The following ABCA12 variants were observed in gnomAD, a reference collection of about 807,000 sequenced individuals.
ABCA12 encodes ATP binding cassette subfamily A member 12.
ABCA12 carries 156 observed loss-of-function variants against 293.5 expected under a neutral mutation model. The observed-to-expected ratio is 0.53, with a 90% confidence interval of 0.47 to 0.61. The LOEUF is 0.61. ABCA12 is among the 20% of genes least tolerant of loss of function. The probability of loss-of-function intolerance (pLI) is 0.00; values close to 1 mark genes in which losing one functional copy is unlikely to be tolerated. For missense variants in ABCA12, 2,797 were observed against 3,090.2 expected (o/e 0.91, Z 2.25); for synonymous variants, 1,063 against 1,108.0 (o/e 0.96, Z 0.81).
At chr2:215,116,006 T>G (rs1702678890) in intron 1 of ABCA12, among the ~76,000 whole-genome samples, 1 of 152,122 alleles carries the variant, frequency 6.6e-6, no homozygotes, top group South Asian at 2.1e-4. Context: ...ATATCCCCCA[T>G]TAGGGGAGTC....
intron 1 of ABCA12, among the ~76,000 whole-genome samples, chr2:215,125,780 CTTTA>C (rs1484219561): frequency 6.6e-6 from 1 of 152,028 alleles, no homozygotes; most frequent in Non-Finnish European, 1.5e-5. Flanking sequence ...TTTGGATGCC[CTTTA>C]TTTATTTATC....
intron 1 of ABCA12, among the ~76,000 whole-genome samples, chr2:215,134,634 GAGAGAGACAAAC>G (rs1703169385): frequency 8.0e-6 from 1 of 124,996 alleles, no homozygotes; most frequent in African/African-American, 3.8e-5. Flanking sequence ...GAGAGAGAGA[GAGAGAGACAAAC>G]AGAGAGAGAG....
intron 33 of ABCA12, 95 bp from the exon 34 acceptor site, chr2:214,976,132 T>G: frequency 6.6e-7 from 1 of 1,504,858 alleles, no homozygotes; most frequent in Non-Finnish European, 9.1e-7. Context: ...TAATACACTG[T>G]GGTGGGAAAA....
intron 2 of ABCA12, among the ~76,000 whole-genome samples, chr2:215,068,305 G>T (rs1381106796): frequency 6.6e-6 from 1 of 152,156 alleles, no homozygotes; most frequent in Admixed American, 6.6e-5. Context: ...AGACTGCAAA[G>T]CTTTTCATGA....
intron 1 of ABCA12, among the ~76,000 whole-genome samples, chr2:215,134,406 A>G (rs553706485): frequency 4.1e-5 from 6 of 144,798 alleles, no homozygotes; most frequent in East Asian, 2.0e-4. Context: ...ATGTGTATAT[A>G]TGTATATATG....
intron 33 of ABCA12, among the ~76,000 whole-genome samples, chr2:214,976,557 T>C (rs1234469027): frequency 1.3e-5 from 2 of 152,230 alleles, no homozygotes; most frequent in Non-Finnish European, 1.5e-5. Flanking sequence ...TGAGGTCCAA[T>C]TAATTCACAC....
chr2:215,097,591 A>G (rs1337842379), intron 2 of ABCA12, among the ~76,000 whole-genome samples: 1 of 152,188 alleles, frequency 6.6e-6, no homozygotes, highest in Non-Finnish European at 1.5e-5. Context: ...TCACGGCTGT[A>G]ATACATTGAG....
rs1442050272 is a variant in ABCA12, at chr2:215,026,845, A to G, written c.1155T>C (p.Thr385=). 5.0e-6 allele frequency: 8 copies of G among 1,612,322 alleles called. No homozygotes were observed. Among genetic ancestry groups the G allele is most frequent in the Admixed American group, 1.7e-5 (1 of 60,018 alleles). The change falls in exon 10 of 53, where the codon ACT becomes ACC. Residue 385 remains threonine (T), a synonymous_variant. Transcript: ENST00000272895. ...IPYLACVRNV[T]DSLARGSPEN... is the part of the protein sequence containing the mutation. Reference sequence around the variant, plus strand: ...CTGGTGAACCTCTGGCCAAACTGTCAGTCACATTTCTCACACATGCCAAGT... The same window carrying G: ...CTGGTGAACCTCTGGCCAAACTGTCGGTCACATTTCTCACACATGCCAAGT...
intron 4 of ABCA12, among the ~76,000 whole-genome samples, chr2:215,053,154 C>T (rs960902263): frequency 2.6e-5 from 4 of 151,966 alleles, no homozygotes; most frequent in African/African-American, 9.7e-5. Context: ...TAAGTAATTC[C>T]CAATGCATCT....
At chr2:214,955,463 C>A in intron 42 of ABCA12, 102 bp from the exon 43 acceptor site, 1 of 1,214,374 alleles carries the variant, frequency 8.2e-7, no homozygotes, top group Admixed American at 1.9e-5. Flanking sequence ...AGGTGGATCA[C>A]TTGAGCCCAG....
chr2:215,010,431 A>G lies in ABCA12; in HGVS notation c.2372T>C (p.Met791Thr). 3 of 1,613,866 alleles carry G rather than the reference A, an allele frequency of 1.9e-6. No homozygotes were observed. The highest frequency in any genetic ancestry group is 2.5e-6 in the Non-Finnish European group (3 of 1,179,774). The part of the protein sequence containing the change: ...CFSLYKDIIN[M>T]PAGPVIWAFL... The stretch of plus-strand genomic sequence containing the variant: ...AGCCCAAATCACAGGTCCAGCGGGC[A>G]TGTTAATGATGTCTTTATAAAGGGA... The change falls in exon 18 of 53, where the codon ATG (methionine) becomes ACG (threonine). Residue 791 changes from methionine to threonine, a missense_variant. Physicochemically the swap from Met to Thr is moderately conservative, Grantham distance 81. This residue lies in a region of ABCA12 where 2,130 missense variants were observed against 2,427.0 expected (regional missense o/e 0.88). Coordinates refer to ENST00000272895, the MANE Select transcript of ABCA12 (RefSeq NM_173076.3).
chr2:215,016,608 AAAAAAAG>A, intron 14 of ABCA12, among the ~76,000 whole-genome samples: 1 of 144,862 alleles, frequency 6.9e-6, no homozygotes, highest in Non-Finnish European at 1.5e-5. Context: ...AAAAAAAAAA[AAAAAAAG>A]ACTTTGCTCC....
intron 2 of ABCA12, among the ~76,000 whole-genome samples, chr2:215,066,881 C>T (rs530493929): frequency 6.6e-6 from 1 of 152,166 alleles, no homozygotes; most frequent in Non-Finnish European, 1.5e-5. Flanking sequence ...ACAATAACAA[C>T]AGTGATTTAT....
chr2:214,976,044 A>G lies in ABCA12; in HGVS notation c.5129-7T>C, dbSNP rs1223839153. 1.2e-6 allele frequency: 2 copies of G among 1,613,896 alleles called. No homozygotes were observed. Among genetic ancestry groups the G allele is most frequent in the Non-Finnish European group, 8.5e-7 (1 of 1,179,962 alleles). ...CCTCTTGTCAGGATTTTGTCTGATT[A>G]AGAAAAAGAGATTGGATATGGTTCT... On this transcript the variant is annotated splice_polypyrimidine_tract_variant and splice_region_variant and intron_variant, in intron 33 of 52. Coordinates refer to ENST00000272895, the MANE Select transcript of ABCA12 (RefSeq NM_173076.3).
chr2:215,026,247 G>A (rs1205109753), intron 10 of ABCA12, among the ~76,000 whole-genome samples: 1 of 152,250 alleles, frequency 6.6e-6, no homozygotes, highest in Admixed American at 6.5e-5. Flanking sequence ...AAAAAAGAAT[G>A]TGTGTGTCCT....
intron 1 of ABCA12, among the ~76,000 whole-genome samples, chr2:215,119,676 T>A (rs73076509): frequency 0.046 from 6,864 of 150,504 alleles, 522 homozygotes; most frequent in African/African-American, 0.16. Flanking sequence ...CACCTGTTTT[T>A]GGACCAGTGC....
chr2:215,114,007 G>C (rs1015130100), intron 1 of ABCA12, among the ~76,000 whole-genome samples: 3 of 152,042 alleles, frequency 2.0e-5, no homozygotes, highest in Non-Finnish European at 4.4e-5. Context: ...ATGGAGTCTT[G>C]CTCTGTCGCC....
rs1559100319 is a variant in ABCA12, at chr2:214,937,602, A to G, written c.7450T>C (p.Phe2484Leu). ...QHIKSRFGRGFTVKVHLKNNK... is the reference protein window; with the variant it reads ...QHIKSRFGRGLTVKVHLKNNK... ...TTCTTCAAGTGAACTTTGACAGTAA[A>G]TCCTCGTCCAAACCTAGAAAGAAAA... The change falls in exon 51 of 53, where the codon TTT becomes CTT. Residue 2484 changes from phenylalanine to leucine, a missense_variant. Around this residue, in one of 3 missense-constraint regions of ABCA12, gnomAD observed 2,130 missense variants for 2,427.0 expected, o/e 0.88. Transcript: ENST00000272895. 6.2e-7 allele frequency: 1 copy of G among 1,613,588 alleles called. No homozygotes were observed. Among genetic ancestry groups the G allele is most frequent in the Non-Finnish European group, 8.5e-7 (1 of 1,179,730 alleles).
chr2:215,079,662 G>C (rs973544705), intron 2 of ABCA12, among the ~76,000 whole-genome samples: 2 of 152,276 alleles, frequency 1.3e-5, no homozygotes, highest in South Asian at 2.1e-4. Context: ...TGAGCTGCCA[G>C]CTTTTGCTTA....
Sources: allele counts gnomAD v4.1 joint callset (sites outside exome capture counted in the v4.1 genomes callset), GRCh38; gene constraint gnomAD v4.1.1; regional missense constraint gnomAD v4.1.1; transcripts MANE v1.5; gene names NCBI Gene and HGNC (gene_info 2026-07-23, HGNC 2026-07-21).